NUP93: variants seen among roughly 807,000 people sequenced by gnomAD.
NUP93 encodes the protein nuclear pore complex protein Nup93.
A neutral mutation model predicts 107.8 loss-of-function variants in NUP93; 55 were observed. That is an observed-to-expected ratio of 0.51 (90% CI 0.41 to 0.64). NUP93 has a LOEUF of 0.64. NUP93 is among the 30% of genes least tolerant of loss of function. The pLI is 0.00. For synonymous variants in NUP93, 390 were observed against 397.5 expected (o/e 0.98, Z 0.22); for missense variants, 937 against 1,044.7 (o/e 0.90, Z 1.42).
intron 1 of NUP93, among the ~76,000 whole-genome samples, chr16:56,740,457 C>G (rs1961710337): frequency 1.3e-5 from 2 of 151,318 alleles, no homozygotes; most frequent in African/African-American, 4.9e-5. Context: ...TCCTCACTTC[C>G]TAGATGTGAT....
At position 56,781,646 on chromosome 16, in the gene NUP93, C is replaced by T. The variant is rs151067607; in HGVS notation, c.298-16830C>T. The T allele has an allele frequency of 2.4e-3, 397 of 168,076 alleles. 2 individuals are homozygous for T. The highest frequency in any genetic ancestry group is 8.9e-3 in the African/African-American group (370 of 41,772). The allele number at this position is 168,076 out of a possible 1,614,324, so 10.4% of individuals were successfully genotyped here. On this transcript the variant is annotated intron_variant, in intron 3 of 21. Transcript: ENST00000308159. The stretch of plus-strand genomic sequence containing the variant: ...CATTAACCAAACATGACAGCTGAAG[C>T]GATTATTAACCATGCAAGATGTCGG...
At chr16:56,745,001 A>C (rs767754395) in intron 1 of NUP93, among the ~76,000 whole-genome samples, 17 of 152,312 alleles carry the variant, frequency 1.1e-4, no homozygotes, top group Non-Finnish European at 2.2e-4. Flanking sequence ...TGTGCCAGGC[A>C]CTGTTGTAGA....
At chr16:56,782,364 G>A (rs576709495) in intron 3 of NUP93, 1 of 205,266 alleles carries the variant, frequency 4.9e-6, no homozygotes, top group East Asian at 1.8e-4. Flanking sequence ...TCATTTGATA[G>A]AAGAAGTACT....
chr16:56,837,764 C>G, intron 18 of NUP93, 38 bp downstream of exon 18: 7 of 1,523,230 alleles, frequency 4.6e-6, no homozygotes, highest in Non-Finnish European at 6.4e-6. Flanking sequence ...CCTGAGGGTG[C>G]CACTGCCAGT....
At chr16:56,739,318 G>A (rs9673220) in intron 1 of NUP93, among the ~76,000 whole-genome samples, 14 of 71,200 alleles carry the variant, frequency 2.0e-4, no homozygotes, top group African/African-American at 4.0e-4. Flanking sequence ...CTCACCTCCC[G>A]GACGGGGCGG....
chr16:56,811,580 C>T (rs1164622196), intron 5 of NUP93, among the ~76,000 whole-genome samples: 1 of 151,820 alleles, frequency 6.6e-6, no homozygotes, highest in Non-Finnish European at 1.5e-5. Context: ...GCGTGATTCT[C>T]GTGCCTCAGC....
chr16:56,846,010 A>G lies in NUP93; in HGVS notation c.*1401A>G, dbSNP rs1025237341. ...GGACTGTCTTCAATTGAGCTTTACT[A>G]GAAAGTCTTGAAACATGAGCCCTGC... On this transcript the variant is annotated 3_prime_UTR_variant, in exon 22 of 22. Transcript: ENST00000308159. 3.3e-5 allele frequency: 5 copies of G among 152,200 alleles called. No individual in the cohort carries two copies. Among genetic ancestry groups the G allele is most frequent in the African/African-American group, 1.2e-4 (5 of 41,438 alleles). The allele number at this position is 152,200 out of a possible 1,614,324, so 9.4% of individuals were successfully genotyped here.
chr16:56,746,858 A>C (rs1201517712), intron 1 of NUP93, among the ~76,000 whole-genome samples: 1 of 152,188 alleles, frequency 6.6e-6, no homozygotes, highest in Non-Finnish European at 1.5e-5. Context: ...CCGTTGAGTC[A>C]AGATCACACC....
intron 4 of NUP93, among the ~76,000 whole-genome samples, chr16:56,802,080 T>C (rs1963032607): frequency 6.6e-6 from 1 of 152,210 alleles, no homozygotes; most frequent in African/African-American, 2.4e-5. Flanking sequence ...TCACCCCGTG[T>C]TGCAGCTCAG....
intron 5 of NUP93, among the ~76,000 whole-genome samples, chr16:56,810,167 G>T (rs1400544908): frequency 6.6e-6 from 1 of 152,164 alleles, no homozygotes; most frequent in Non-Finnish European, 1.5e-5. Flanking sequence ...CCTATCTGTT[G>T]TGACACCTGG....
At chr16:56,796,066 G>C (rs1017493388) in intron 3 of NUP93, among the ~76,000 whole-genome samples, 2 of 152,114 alleles carry the variant, frequency 1.3e-5, no homozygotes, top group East Asian at 1.9e-4. Flanking sequence ...AGGCCAATAC[G>C]TAAGGAATCT....
At chr16:56,832,444 T>C (rs1567410458) in intron 12 of NUP93, 56 bp downstream of exon 12, 4 of 1,411,686 alleles carry the variant, frequency 2.8e-6, no homozygotes, top group Non-Finnish European at 3.0e-6. Context: ...AGGTGACTAC[T>C]TCAGTTTTCC....
At chr16:56,746,479 T>C (rs12930689) in intron 1 of NUP93, among the ~76,000 whole-genome samples, 43,655 of 152,112 alleles carry the variant, frequency 0.29, 6,490 homozygotes, top group Admixed American at 0.32. Context: ...TTAAGAGTTA[T>C]TGTGTACGTG....
intron 21 of NUP93, among the ~76,000 whole-genome samples, chr16:56,844,093 G>C (rs1254739279): frequency 6.6e-6 from 1 of 152,222 alleles, no homozygotes; most frequent in African/African-American, 2.4e-5. Context: ...GCTTCATGGG[G>C]CTCTGGAGAG....
chr16:56,756,276 T>A (rs1320686364), intron 2 of NUP93, among the ~76,000 whole-genome samples: 5 of 140,302 alleles, frequency 3.6e-5, no homozygotes, highest in African/African-American at 1.4e-4. Flanking sequence ...GTATTTGTCC[T>A]AATGCTCTCT....
chr16:56,758,438 T>A (rs1962066695), intron 2 of NUP93, 100 bp from the exon 3 acceptor site: 1 of 880,850 alleles, frequency 1.1e-6, no homozygotes. Flanking sequence ...AGTTTTGAAT[T>A]AAAAATGCTC....
intron 3 of NUP93, among the ~76,000 whole-genome samples, chr16:56,775,949 T>C (rs1962408908): frequency 6.6e-6 from 1 of 152,214 alleles, no homozygotes; most frequent in Non-Finnish European, 1.5e-5. Flanking sequence ...AGTTGCTGTT[T>C]CAAATTCATT....
chr16:56,832,067 G>C, intron 11 of NUP93, 60 bp downstream of exon 11: 2 of 1,589,512 alleles, frequency 1.3e-6, no homozygotes, highest in Non-Finnish European at 1.7e-6. Flanking sequence ...TCAAGTCCCC[G>C]CAAAGATTTT....
chr16:56,733,827 T>G (rs1308697579), intron 1 of NUP93, among the ~76,000 whole-genome samples: 1 of 152,214 alleles, frequency 6.6e-6, no homozygotes, highest in African/African-American at 2.4e-5. Context: ...TTTGAAATAT[T>G]TTATAGCTTT....
Sources: allele counts gnomAD v4.1 joint callset (sites outside exome capture counted in the v4.1 genomes callset), GRCh38; gene constraint gnomAD v4.1.1; transcripts MANE v1.5; gene names NCBI Gene and HGNC (gene_info 2026-07-23, HGNC 2026-07-21).